Variants in GAS7 observed in about 807,000 individuals in gnomAD.
The protein encoded by GAS7 is growth arrest specific 7, also known as growth arrest-specific protein 7.
A neutral mutation model predicts 71.1 loss-of-function variants in GAS7; 28 were observed. That is an observed-to-expected ratio of 0.39 (90% CI 0.29 to 0.54). The LOEUF is 0.54. Among genes scored for constraint, GAS7 ranks in the 20% least tolerant of loss-of-function variants. The pLI is 0.62. For synonymous variants in GAS7, 258 were observed against 245.8 expected, an observed-to-expected ratio of 1.05 and a Z score of -0.46; for missense variants, 436 against 627.8, an observed-to-expected ratio of 0.69 and a Z score of 3.27.
At chr17:10,036,641 G>C (rs931188492) in intron 1 of GAS7, 10 of 1,431,732 alleles carry the variant, frequency 7.0e-6, no homozygotes, top group Non-Finnish European at 9.1e-6. Context: ...GCTCATTGCT[G>C]TTCTTTCACA....
At chr17:10,165,262 A>G (rs1334206047) in intron 1 of GAS7, among the ~76,000 whole-genome samples, 2 of 145,704 alleles carry the variant, frequency 1.4e-5, no homozygotes, top group East Asian at 4.4e-4. Context: ...ACTGCACTCC[A>G]GCCTGTGCGA....
At chr17:10,161,861 G>A (rs1306370577) in intron 1 of GAS7, among the ~76,000 whole-genome samples, 3 of 151,998 alleles carry the variant, frequency 2.0e-5, no homozygotes, top group Non-Finnish European at 4.4e-5. Context: ...TCAGGAGATC[G>A]AGACCATCCT....
chr17:9,925,016 G>A (rs1567777825), intron 11 of GAS7, among the ~76,000 whole-genome samples: 1 of 152,224 alleles, frequency 6.6e-6, no homozygotes, highest in African/African-American at 2.4e-5. Context: ...CAGGGCAGGA[G>A]CCCATCCCCA....
intron 8 of GAS7, among the ~76,000 whole-genome samples, chr17:9,935,765 G>A (rs1471406953): frequency 6.6e-6 from 1 of 152,220 alleles, no homozygotes; most frequent in Non-Finnish European, 1.5e-5. Context: ...AGTGATCCTG[G>A]CAGGGGAAGC....
chr17:10,005,050 T>TATATATATATACACACACACAC (rs1296844463), intron 2 of GAS7, among the ~76,000 whole-genome samples: 17 of 150,156 alleles, frequency 1.1e-4, no homozygotes, highest in African/African-American at 4.0e-4. Flanking sequence ...TACATATATA[T>TATATATATATACACACACACAC]ACACATATAT....
chr17:9,911,855 G>C lies in GAS7; in HGVS notation c.*5373C>G, dbSNP rs1281093563. On this transcript the variant is annotated 3_prime_UTR_variant, in exon 14 of 14. Coordinates refer to ENST00000432992, the MANE Select transcript of GAS7 (RefSeq NM_201433.2). The surrounding 1 kb of genome is among the most constrained non-coding windows in gnomAD (Gnocchi z 4.0). Reference sequence around the variant, plus strand: ...GGGACTCACCTTTCACTGAGCAGGGGGCATGAACAAGACACAGCTTAGTGG... The same window carrying C: ...GGGACTCACCTTTCACTGAGCAGGGCGCATGAACAAGACACAGCTTAGTGG... The C allele has an allele frequency of 8.6e-6, 2 of 231,832 alleles. No homozygotes were observed. Among genetic ancestry groups the C allele is most frequent in the African/African-American group, 4.4e-5 (2 of 45,238 alleles). 14.4% of individuals were successfully genotyped at this position (231,832 alleles called of 1,614,324 possible).
intron 1 of GAS7, among the ~76,000 whole-genome samples, chr17:10,196,409 G>C (rs2074540915): frequency 6.6e-6 from 1 of 152,174 alleles, no homozygotes; most frequent in Admixed American, 6.5e-5. Flanking sequence ...CAGAAGTATT[G>C]CTCACGCAGA....
intron 1 of GAS7, among the ~76,000 whole-genome samples, chr17:10,108,636 C>T (rs1046672078): frequency 1.3e-5 from 2 of 152,054 alleles, no homozygotes; most frequent in East Asian, 1.9e-4. Context: ...AAAACAGGCA[C>T]GTAGACCAAT....
intron 1 of GAS7, among the ~76,000 whole-genome samples, chr17:10,175,524 T>C (rs1231534595): frequency 6.6e-6 from 1 of 152,230 alleles, no homozygotes; most frequent in Admixed American, 6.5e-5. Context: ...TGTGTATCTG[T>C]GTCCTCATTT....
chr17:10,189,364 A>T (rs909328808), intron 1 of GAS7, among the ~76,000 whole-genome samples: 1 of 152,098 alleles, frequency 6.6e-6, no homozygotes, highest in Non-Finnish European at 1.5e-5. Flanking sequence ...GTTTTCTTCA[A>T]ATCCATTCTC....
Position 10,182,320 on chromosome 17 carries a change from C to T in GAS7, c.183+15888G>A, listed in dbSNP as rs1339194884. 2.0e-5 allele frequency among the ~76,000 whole-genome samples: 3 copies of T among 152,166 alleles called. No homozygotes were observed. The East Asian group carries it at 5.8e-4, about 29-fold the overall frequency. ...GATTACAGGCGCCCACCACCACGCT[C>T]GGCTAATTTTTGCATATTTAGTAGA... On this transcript the variant is annotated intron_variant, in intron 1 of 13. Coordinates refer to ENST00000432992, the MANE Select transcript of GAS7 (RefSeq NM_201433.2).
intron 1 of GAS7, among the ~76,000 whole-genome samples, chr17:10,028,525 CAA>C (rs1304199460): frequency 6.6e-6 from 1 of 152,010 alleles, no homozygotes; most frequent in African/African-American, 2.4e-5. Flanking sequence ...CTAGAAGCCT[CAA>C]GAGAAACACA....
In GAS7 at chr17:10,103,718, A is replaced by T. The variant is rs915225689; in HGVS notation, c.184-83821T>A. 6.6e-6 allele frequency among the ~76,000 whole-genome samples: 1 copy of T among 151,850 alleles called. No homozygotes were observed. The highest frequency in any genetic ancestry group is 1.9e-4 in the East Asian group (1 of 5,152). The stretch of plus-strand genomic sequence containing the variant: ...GCACATGCCTGTAATCCCGGCTACT[A>T]GGGAGGCTGAGGCAGGAGAACTGCT... On this transcript the variant is annotated intron_variant, in intron 1 of 13. Transcript: ENST00000432992. This position sits in a 1 kb window ranked among gnomAD's most constrained non-coding sequence, Gnocchi z 5.5.
At chr17:9,938,336 G>A (rs563048496) in intron 8 of GAS7, among the ~76,000 whole-genome samples, 31 of 151,796 alleles carry the variant, frequency 2.0e-4, no homozygotes, top group Admixed American at 9.2e-4. Context: ...GTGAAACCCC[G>A]TCTCTACTAA....
intron 2 of GAS7, among the ~76,000 whole-genome samples, chr17:9,989,819 A>G (rs1184474400): frequency 1.3e-5 from 2 of 152,232 alleles, no homozygotes; most frequent in East Asian, 3.8e-4. Context: ...GAAACATCAA[A>G]CATTCATTAT....
intron 1 of GAS7, among the ~76,000 whole-genome samples, chr17:10,180,059 G>A (rs906021802): frequency 5.9e-5 from 9 of 152,208 alleles, no homozygotes; most frequent in Admixed American, 2.0e-4. Context: ...GGAAACTAAT[G>A]GCTGGGCGTG....
At chr17:9,917,924 A>G in intron 13 of GAS7, 77 bp downstream of exon 13, 3 of 1,025,562 alleles carry the variant, frequency 2.9e-6, no homozygotes, top group Non-Finnish European at 2.9e-6. Context: ...CAGCCACTTA[A>G]CCTGCCACGG....
At chr17:10,012,329 C>A (rs1008978653) in intron 2 of GAS7, among the ~76,000 whole-genome samples, 1 of 152,096 alleles carries the variant, frequency 6.6e-6, no homozygotes, top group East Asian at 1.9e-4. Context: ...GCTCTGTCAC[C>A]CAGGCTGGAG....
intron 1 of GAS7, among the ~76,000 whole-genome samples, chr17:10,060,795 T>C (rs1049550764): frequency 3.3e-5 from 5 of 152,222 alleles, no homozygotes; most frequent in Non-Finnish European, 7.3e-5. Context: ...TCCTGTAACA[T>C]TAAACATACA....
Sources: gnomAD v4.1 joint callset for allele counts (sites outside exome capture counted in the v4.1 genomes callset) on GRCh38, gnomAD v4.1.1 for gene constraint, Gnocchi (gnomAD v3.1) non-coding constraint, MANE v1.5 for transcripts, NCBI Gene and HGNC (gene_info 2026-07-23, HGNC 2026-07-21) for gene names.